DOCK8: variants seen among roughly 807,000 people sequenced by gnomAD.
The protein encoded by DOCK8 is dedicator of cytokinesis protein 8.
Under a neutral mutation model 245.6 loss-of-function variants are expected in DOCK8, and 141 were observed. That is an observed-to-expected ratio of 0.57 (90% CI 0.50 to 0.66). The LOEUF (loss-of-function observed/expected upper bound fraction) is 0.66. Among genes scored for constraint, DOCK8 ranks in the 30% least tolerant of loss-of-function variants. The pLI, the probability that DOCK8 is intolerant of heterozygous loss-of-function variation, is 0.00. For missense variants in DOCK8, 2,965 were observed against 2,603.4 expected (o/e 1.14, Z -3.02); for synonymous variants, 1,168 against 970.2 (o/e 1.20, Z -3.79).
intron 1 of DOCK8, among the ~76,000 whole-genome samples, chr9:223,132 G>A (rs1467639956): frequency 1.3e-5 from 2 of 152,056 alleles, no homozygotes; most frequent in African/African-American, 2.4e-5. Flanking sequence ...AAAAAACTTC[G>A]ACTTCTGTCA....
intron 3 of DOCK8, 83 bp downstream of exon 3, chr9:286,719 T>C: frequency 7.6e-7 from 1 of 1,307,892 alleles, no homozygotes; most frequent in Admixed American, 1.7e-5. Context: ...GCCTTCAATC[T>C]GAACTTAAAA....
intron 10 of DOCK8, among the ~76,000 whole-genome samples, chr9:333,047 C>G (rs961019511): frequency 6.6e-6 from 1 of 152,232 alleles, no homozygotes; most frequent in African/African-American, 2.4e-5. Context: ...TGGGGCAAGG[C>G]CACCCCCTGT....
chr9:352,014 T>A (rs1320442752), intron 14 of DOCK8, among the ~76,000 whole-genome samples: 1 of 152,134 alleles, frequency 6.6e-6, no homozygotes, highest in Non-Finnish European at 1.5e-5. Flanking sequence ...TTGGTGGGCG[T>A]CGAGCATGTG....
intron 11 of DOCK8, 128 bp downstream of exon 11, chr9:334,512 G>C (rs1361667868): frequency 2.8e-5 from 27 of 974,716 alleles, no homozygotes; most frequent in Non-Finnish European, 4.0e-5. Flanking sequence ...GAGATAAATA[G>C]AATGAAACAC....
intron 26 of DOCK8, among the ~76,000 whole-genome samples, chr9:400,961 A>G (rs1234314922): frequency 1.5e-5 from 1 of 68,080 alleles, no homozygotes; most frequent in Non-Finnish European, 2.3e-5. Flanking sequence ...CACCACCACC[A>G]CCACCTCCTC....
intron 1 of DOCK8, among the ~76,000 whole-genome samples, chr9:259,074 A>C (rs2047853640): frequency 6.6e-6 from 1 of 152,138 alleles, no homozygotes. Context: ...TGGGAGGCTG[A>C]GGCAGGAGGA....
intron 37 of DOCK8, among the ~76,000 whole-genome samples, chr9:432,725 T>C (rs1394314655): frequency 2.0e-5 from 3 of 152,084 alleles, no homozygotes; most frequent in Admixed American, 1.3e-4. Flanking sequence ...AGGATTCCGC[T>C]AGGCAGGGGA....
chr9:452,957 G>C (rs983912151), intron 46 of DOCK8: 7 of 152,190 alleles, frequency 4.6e-5, no homozygotes, highest in African/African-American at 1.7e-4. Flanking sequence ...ACCTATAAGA[G>C]AAAAGGACTT....
chr9:366,458 G>A (rs952596399), intron 14 of DOCK8: 4 of 152,136 alleles, frequency 2.6e-5, no homozygotes, highest in Admixed American at 6.5e-5. Flanking sequence ...TTTTCCTCTC[G>A]AATACCTGAG....
chr9:274,433 C>A (rs13287938), intron 2 of DOCK8, among the ~76,000 whole-genome samples: 3 of 150,818 alleles, frequency 2.0e-5, no homozygotes, highest in African/African-American at 7.3e-5. Flanking sequence ...ACCTGGAGAA[C>A]GGAGGCATGT....
intron 17 of DOCK8, 72 bp from the exon 18 acceptor site, chr9:372,113 G>A (rs1380629980): frequency 3.1e-5 from 42 of 1,339,996 alleles, no homozygotes; most frequent in African/African-American, 5.8e-5. Flanking sequence ...TTTGATTATT[G>A]CGAGCTAGAT....
Position 426,974 on chromosome 9 carries a change from T to C in DOCK8, c.4331T>C (p.Ile1444Thr), listed in dbSNP as rs1435306162. 6.2e-7 allele frequency: 1 copy of C among 1,613,362 alleles called. No individual in the cohort carries two copies. The highest frequency in any genetic ancestry group is 1.3e-5 in the African/African-American group (1 of 74,906). ...ATCATCCTGGATATGCAGGAAAACA[T>C]TATCCAGGTGAGGAAAACAAACACC... ...HLIILDMQEN[I>T]IQASSALDCK... is the part of the protein sequence containing the mutation. Residue 1444 changes from isoleucine to threonine, a missense_variant, in exon 34 of 48, where the codon ATT (isoleucine) becomes ACT (threonine). By Grantham distance (89) the Ile-to-Thr change is moderately conservative. Around this residue, in one of 3 missense-constraint regions of DOCK8, gnomAD observed 2,825 missense variants for 2,453.5 expected, o/e 1.15. Coordinates refer to ENST00000432829, the MANE Select transcript of DOCK8 (RefSeq NM_203447.4).
chr9:398,652 G>A (rs1013022896), intron 25 of DOCK8, among the ~76,000 whole-genome samples: 2 of 152,114 alleles, frequency 1.3e-5, no homozygotes, highest in Non-Finnish European at 2.9e-5. Context: ...CCTCTCTTAG[G>A]CTGGAAATGC....
chr9:318,173 A>G (rs2050429225), intron 7 of DOCK8, among the ~76,000 whole-genome samples: 1 of 152,204 alleles, frequency 6.6e-6, no homozygotes, highest in African/African-American at 2.4e-5. Context: ...GTCTCTGCAG[A>G]CTGCTATTTT....
intron 3 of DOCK8, among the ~76,000 whole-genome samples, chr9:287,958 G>C (rs1304784766): frequency 6.6e-6 from 1 of 151,952 alleles, no homozygotes; most frequent in Non-Finnish European, 1.5e-5. Context: ...AGGATCACTT[G>C]AGCCCAGGAA....
intron 40 of DOCK8, 124 bp downstream of exon 40, chr9:439,512 G>A: frequency 7.6e-7 from 1 of 1,324,438 alleles, no homozygotes; most frequent in Non-Finnish European, 1.0e-6. Flanking sequence ...GCCAGGGTGT[G>A]CGGGGCAGGG....
At chr9:312,453 G>A (rs1195442303) in intron 6 of DOCK8, 3 of 544,732 alleles carry the variant, frequency 5.5e-6, no homozygotes, top group South Asian at 3.1e-5. Context: ...TGTTTCAAGG[G>A]TCTACATGTA....
At chr9:390,618 C>T (rs113279248) in intron 24 of DOCK8, 52 bp downstream of exon 24, 14 of 1,549,916 alleles carry the variant, frequency 9.0e-6, no homozygotes, top group Middle Eastern at 1.7e-4. Flanking sequence ...GAGAAGCACA[C>T]AGCAGAAAGG....
intron 1 of DOCK8, among the ~76,000 whole-genome samples, chr9:235,299 C>G (rs966263889): frequency 1.3e-5 from 2 of 152,180 alleles, no homozygotes; most frequent in Non-Finnish European, 2.9e-5. Context: ...AGGTGTCAGT[C>G]TGCCCCTACT....
Sources: allele counts gnomAD v4.1 joint callset (sites outside exome capture counted in the v4.1 genomes callset), GRCh38; gene constraint gnomAD v4.1.1; regional missense constraint gnomAD v4.1.1; transcripts MANE v1.5; gene names NCBI Gene and HGNC (gene_info 2026-07-23, HGNC 2026-07-21).